The following TBC1D14 variants were observed in gnomAD, a reference collection of about 807,000 sequenced individuals.
The protein encoded by TBC1D14 is TBC1 domain family, member 14.
TBC1D14 carries 26 observed loss-of-function variants against 79.0 expected under a neutral mutation model. The observed-to-expected ratio is 0.33, with a 90% CI of 0.24 to 0.46. TBC1D14 has a LOEUF of 0.46. Among genes scored for constraint, TBC1D14 ranks in the 20% least tolerant of loss-of-function variants. The pLI is 1.00. For missense variants in TBC1D14, 769 were observed against 887.6 expected (o/e 0.87, Z 1.70); for synonymous variants, 394 against 349.9 (o/e 1.13, Z -1.40).
chr4:6,976,492 G>A (rs976146008), intron 3 of TBC1D14, among the ~76,000 whole-genome samples: 1 of 152,176 alleles, frequency 6.6e-6, no homozygotes, highest in East Asian at 1.9e-4. Flanking sequence ...ATCAGAAACC[G>A]TGGAGGCCAG....
intron 2 of TBC1D14, among the ~76,000 whole-genome samples, chr4:6,926,621 G>C (rs975069496): frequency 1.3e-5 from 2 of 152,234 alleles, no homozygotes; most frequent in Non-Finnish European, 2.9e-5. Context: ...CATGGGCAGA[G>C]TCTAGGGTTC....
chr4:6,954,436 C>T lies in TBC1D14; in HGVS notation c.723-12868C>T, dbSNP rs575880629. On this transcript the variant is annotated intron_variant, in intron 2 of 13. Transcript: ENST00000409757. The stretch of plus-strand genomic sequence containing the variant: ...TGTAGCTTTGACAGCATGTGACCGT[C>T]GGCCTTGGTTGGGCTGAGGTGTTTC... 356 of 715,048 alleles carry T rather than the reference C, an allele frequency of 5.0e-4. 3 individuals carry two copies. The highest frequency in any genetic ancestry group is 3.4e-3 in the South Asian group (231 of 67,384). 44.3% of individuals were successfully genotyped at this position (715,048 alleles called of 1,614,324 possible). A position where few individuals can be genotyped will look rare whatever the true frequency, so the allele number is the denominator to read the frequency against.
intron 7 of TBC1D14, among the ~76,000 whole-genome samples, chr4:7,002,826 C>G (rs566908333): frequency 6.6e-6 from 1 of 152,302 alleles, no homozygotes; most frequent in South Asian, 2.1e-4. Context: ...TGCTGAGTAC[C>G]AAGCATCATA....
chr4:6,911,585 GC>G (rs1293957534), intron 1 of TBC1D14, among the ~76,000 whole-genome samples: 2 of 152,226 alleles, frequency 1.3e-5, no homozygotes, highest in African/African-American at 4.8e-5. Context: ...TGTTCCTTTA[GC>G]CCCTGCAGTT....
chr4:6,964,170 T>C (rs1225086003), intron 2 of TBC1D14, among the ~76,000 whole-genome samples: 1 of 152,134 alleles, frequency 6.6e-6, no homozygotes. Flanking sequence ...AGCCGAGACC[T>C]GAAAAACCAA....
At chr4:6,962,284 G>C (rs1351004489) in intron 2 of TBC1D14, among the ~76,000 whole-genome samples, 1 of 152,174 alleles carries the variant, frequency 6.6e-6, no homozygotes, top group African/African-American at 2.4e-5. Flanking sequence ...GGACTCATGA[G>C]CTAGAGTCCT....
intron 3 of TBC1D14, among the ~76,000 whole-genome samples, chr4:6,989,238 G>T (rs1718233606): frequency 6.6e-6 from 1 of 152,104 alleles, no homozygotes; most frequent in Non-Finnish European, 1.5e-5. Flanking sequence ...ATGCGTCTGA[G>T]GGGCTCCCCA....
chr4:6,967,704 CTG>C (rs532340337), intron 3 of TBC1D14, among the ~76,000 whole-genome samples: 11 of 152,316 alleles, frequency 7.2e-5, no homozygotes, highest in African/African-American at 2.6e-4. Context: ...ATGTTTATAA[CTG>C]TATTTAATCA....
intron 1 of TBC1D14, among the ~76,000 whole-genome samples, chr4:6,922,220 A>T (rs1167827658): frequency 6.6e-6 from 1 of 151,722 alleles, no homozygotes; most frequent in African/African-American, 2.4e-5. Context: ...CCCCCAGTTG[A>T]TTTTTTTTAG....
chr4:7,015,548 C>G (rs1721196129), intron 12 of TBC1D14, among the ~76,000 whole-genome samples: 2 of 152,068 alleles, frequency 1.3e-5, no homozygotes, highest in South Asian at 4.2e-4. Flanking sequence ...CAGCATTGGG[C>G]CAGGCAGGTC....
chr4:7,014,431 T>G lies in TBC1D14; in HGVS notation c.1648-17T>G. Reference sequence around the variant, plus strand: ...TGTGCAGATAGTTTCTGAGTAAATTTCATATTATCTCCCTAGATGTTGACT... The same window carrying G: ...TGTGCAGATAGTTTCTGAGTAAATTGCATATTATCTCCCTAGATGTTGACT... On this transcript the variant is annotated splice_polypyrimidine_tract_variant and intron_variant, in intron 11 of 13. Coordinates refer to ENST00000409757, the MANE Select transcript of TBC1D14 (RefSeq NM_020773.3). 6.4e-7 allele frequency: 1 copy of G among 1,559,346 alleles called. No individual in the cohort carries two copies. Among genetic ancestry groups the G allele is most frequent in the South Asian group, 1.1e-5 (1 of 89,312 alleles).
intron 7 of TBC1D14, among the ~76,000 whole-genome samples, chr4:7,003,623 A>G (rs952719043): frequency 6.6e-6 from 1 of 152,204 alleles, no homozygotes; most frequent in Non-Finnish European, 1.5e-5. Flanking sequence ...TGAAAATTCC[A>G]TGGGTAGCTG....
intron 1 of TBC1D14, among the ~76,000 whole-genome samples, chr4:6,910,845 T>C (rs1386768712): frequency 6.6e-6 from 1 of 152,170 alleles, no homozygotes; most frequent in African/African-American, 2.4e-5. Flanking sequence ...GAAGGTTTTA[T>C]AGGCACCGGT....
intron 2 of TBC1D14, among the ~76,000 whole-genome samples, chr4:6,929,990 A>G (rs1194619043): frequency 6.6e-6 from 1 of 152,222 alleles, no homozygotes; most frequent in Non-Finnish European, 1.5e-5. Flanking sequence ...TAAAAAAGAC[A>G]ACACCCTGTC....
intron 3 of TBC1D14, among the ~76,000 whole-genome samples, chr4:6,981,557 A>C (rs928706440): frequency 2.0e-5 from 3 of 152,210 alleles, no homozygotes; most frequent in Non-Finnish European, 4.4e-5. Context: ...TGCTATCAAA[A>C]CCAGATGAAT....
chr4:6,942,979 C>T lies in TBC1D14; in HGVS notation c.722+18868C>T, dbSNP rs370115733. Among the ~76,000 whole-genome samples, 11 of 152,266 alleles carry T rather than the reference C, an allele frequency of 7.2e-5. No individual in the cohort carries two copies. The South Asian group carries it at 1.5e-3, about 20-fold the overall frequency. On this transcript the variant is annotated intron_variant, in intron 2 of 13. Coordinates refer to ENST00000409757, the MANE Select transcript of TBC1D14 (RefSeq NM_020773.3). ...ATATCTAGTTAGGTGGATGAATGTT[C>T]GCTGCTGTAACAAACTTGAAATATA... is the stretch of plus-strand genomic sequence containing the variant.
chr4:7,021,270 T>G (rs1039592547), intron 12 of TBC1D14, among the ~76,000 whole-genome samples: 1 of 152,234 alleles, frequency 6.6e-6, no homozygotes, highest in Admixed American at 6.5e-5. Flanking sequence ...TTTTCTAAGC[T>G]GAGAGACACG....
intron 2 of TBC1D14, among the ~76,000 whole-genome samples, chr4:6,958,484 G>A (rs978303455): frequency 2.6e-5 from 4 of 151,910 alleles, no homozygotes; most frequent in Non-Finnish European, 5.9e-5. Flanking sequence ...TGGCTGGAGT[G>A]CAGGGGCTCA....
At chr4:7,025,650 C>T (rs1722291227) in intron 13 of TBC1D14, among the ~76,000 whole-genome samples, 1 of 152,364 alleles carries the variant, frequency 6.6e-6, no homozygotes, top group East Asian at 1.9e-4. Flanking sequence ...AGCCCCGTGG[C>T]CATGCCCTGT....
Sources: allele counts gnomAD v4.1 joint callset (sites outside exome capture counted in the v4.1 genomes callset), GRCh38; gene constraint gnomAD v4.1.1; transcripts MANE v1.5; gene names NCBI Gene and HGNC (gene_info 2026-07-23, HGNC 2026-07-21).